The following ADAM22 variants were observed in gnomAD, a reference collection of about 807,000 sequenced individuals.
ADAM22 encodes disintegrin and metalloproteinase domain-containing protein 22.
In ADAM22, 65 loss-of-function variants were observed where a neutral mutation model predicts 144.6. That is an observed-to-expected ratio of 0.45 (90% CI 0.37 to 0.55). The LOEUF is 0.55. Ranked by LOEUF, ADAM22 falls within the 20% of genes least tolerant of loss-of-function variation. ADAM22 has a pLI of 0.00. For synonymous variants in ADAM22, 391 were observed against 412.6 expected, an observed-to-expected ratio of 0.95 and a Z score of 0.63; for missense variants, 974 against 1,184.9, an observed-to-expected ratio of 0.82 and a Z score of 2.61.
intron 3 of ADAM22, among the ~76,000 whole-genome samples, chr7:88,005,287 A>G (rs1451953538): frequency 2.0e-5 from 3 of 152,140 alleles, no homozygotes; most frequent in Admixed American, 6.6e-5. Context: ...GAAAAACAAT[A>G]TAAGACTGTG....
intron 3 of ADAM22, among the ~76,000 whole-genome samples, chr7:88,061,495 G>T (rs1402260782): frequency 1.3e-5 from 2 of 152,208 alleles, no homozygotes; most frequent in African/African-American, 2.4e-5. Context: ...AATGGATGTG[G>T]TGTTAGAAAG....
At position 87,992,249 on chromosome 7, in the gene ADAM22, A is replaced by G. The variant is rs528223093; in HGVS notation, c.323+13837A>G. 4.6e-5 allele frequency among the ~76,000 whole-genome samples: 7 copies of G among 152,292 alleles called. No individual in the cohort carries two copies. The South Asian group carries it at 1.2e-3, about 27-fold the overall frequency. On this transcript the variant is annotated intron_variant, in intron 3 of 31. Coordinates refer to ENST00000413139, the MANE Select transcript of ADAM22 (RefSeq NM_001324418.2). ...AGCAGAGGAAAGAGATGGAACAAGG[A>G]TATAGCGATATGAAAGTGCCCCCAG...
intron 2 of ADAM22, among the ~76,000 whole-genome samples, chr7:87,952,153 C>T (rs1175139773): frequency 6.6e-6 from 1 of 151,930 alleles, no homozygotes; most frequent in African/African-American, 2.4e-5. Flanking sequence ...TGCCTAATTG[C>T]CCTGGCCAGA....
chr7:88,172,773 A>G (rs1844668251), intron 26 of ADAM22, among the ~76,000 whole-genome samples: 1 of 151,968 alleles, frequency 6.6e-6, no homozygotes, highest in Non-Finnish European at 1.5e-5. Context: ...GGACAAAATT[A>G]CAATTTAAGA....
intron 3 of ADAM22, among the ~76,000 whole-genome samples, chr7:88,028,678 T>A (rs892460265): frequency 1.3e-5 from 2 of 150,518 alleles, no homozygotes; most frequent in Admixed American, 6.7e-5. Flanking sequence ...TGAGTGTGTG[T>A]ATATATATAT....
intron 3 of ADAM22, among the ~76,000 whole-genome samples, chr7:87,991,581 T>A (rs1688898): frequency 0.52 from 78,540 of 151,212 alleles, 20,649 homozygotes; most frequent in Non-Finnish European, 0.53. Flanking sequence ...TTAGCCAGGA[T>A]GGTCTCGATC....
chr7:88,062,067 A>T (rs1375563281), intron 3 of ADAM22, among the ~76,000 whole-genome samples: 1 of 151,898 alleles, frequency 6.6e-6, no homozygotes, highest in African/African-American at 2.4e-5. Flanking sequence ...AGTCTCAAAC[A>T]CCTGAGCTCA....
intron 2 of ADAM22, among the ~76,000 whole-genome samples, chr7:87,976,044 G>T (rs1851823854): frequency 6.6e-6 from 1 of 151,962 alleles, no homozygotes. Flanking sequence ...CTGTTCAGTT[G>T]TTGTTCATTT....
chr7:88,019,933 A>G (rs1402296342), intron 3 of ADAM22, among the ~76,000 whole-genome samples: 1 of 151,602 alleles, frequency 6.6e-6, no homozygotes, highest in Non-Finnish European at 1.5e-5. Flanking sequence ...TAAAAAGATT[A>G]AACCTCAAAT....
intron 3 of ADAM22, among the ~76,000 whole-genome samples, chr7:87,982,701 T>TATAAAA (rs1554373733): frequency 5.9e-5 from 2 of 33,800 alleles, no homozygotes; most frequent in African/African-American, 2.6e-4. Flanking sequence ...ATATATATAA[T>TATAAAA]TTTTTTTTTT....
intron 26 of ADAM22, among the ~76,000 whole-genome samples, chr7:88,173,902 G>T (rs546848028): frequency 6.6e-6 from 1 of 152,246 alleles, no homozygotes; most frequent in Admixed American, 6.5e-5. Context: ...AATGAAAGAG[G>T]TGAATGCAGT....
At chr7:87,973,109 A>G (rs1386699045) in intron 2 of ADAM22, among the ~76,000 whole-genome samples, 1 of 152,242 alleles carries the variant, frequency 6.6e-6, no homozygotes, top group Non-Finnish European at 1.5e-5. Flanking sequence ...ATTAAGCTAA[A>G]GAGCTTCTGC....
chr7:88,135,826 TA>T (rs1294114923), intron 13 of ADAM22, among the ~76,000 whole-genome samples, 153 bp from the exon 14 acceptor site: 1 of 152,166 alleles, frequency 6.6e-6, no homozygotes, highest in South Asian at 2.1e-4. Flanking sequence ...GCATATTACA[TA>T]AAAAAACTAT....
intron 4 of ADAM22, among the ~76,000 whole-genome samples, chr7:88,106,017 C>G (rs1824278617): frequency 6.6e-6 from 1 of 152,110 alleles, no homozygotes; most frequent in South Asian, 2.1e-4. Context: ...GAGGCACGGG[C>G]AGTCTCTGTA....
intron 3 of ADAM22, among the ~76,000 whole-genome samples, chr7:88,048,346 A>C (rs2129473492): frequency 6.6e-6 from 1 of 152,142 alleles, no homozygotes; most frequent in African/African-American, 2.4e-5. Flanking sequence ...ATTCTGGGCC[A>C]ATTATTTTCT....
chr7:88,068,665 G>A (rs1197915819), intron 3 of ADAM22, among the ~76,000 whole-genome samples: 1 of 152,152 alleles, frequency 6.6e-6, no homozygotes, highest in African/African-American at 2.4e-5. Context: ...GGGCAGATAT[G>A]CTTTATGTAG....
chr7:88,088,415 G>A (rs1818965939), intron 4 of ADAM22, among the ~76,000 whole-genome samples: 1 of 151,164 alleles, frequency 6.6e-6, no homozygotes, highest in Non-Finnish European at 1.5e-5. Context: ...ATTTTTCTAA[G>A]TCAGATTTCC....
At chr7:88,044,173 T>G (rs1803901586) in intron 3 of ADAM22, among the ~76,000 whole-genome samples, 1 of 152,232 alleles carries the variant, frequency 6.6e-6, no homozygotes, top group Non-Finnish European at 1.5e-5. Context: ...AATATTACAT[T>G]GCAGTTCCAC....
chr7:87,973,483 G>C (rs908971725), intron 2 of ADAM22, among the ~76,000 whole-genome samples: 3 of 151,996 alleles, frequency 2.0e-5, no homozygotes, highest in African/African-American at 7.3e-5. Context: ...CTTTTACACT[G>C]TTGGTGGGAC....
Sources: allele counts gnomAD v4.1 joint callset (sites outside exome capture counted in the v4.1 genomes callset), GRCh38; gene constraint gnomAD v4.1.1; transcripts MANE v1.5; gene names NCBI Gene and HGNC (gene_info 2026-07-23, HGNC 2026-07-21).